The following CNTNAP3B variants were observed in gnomAD, a reference collection of about 807,000 sequenced individuals.
CNTNAP3B encodes the protein contactin-associated protein-like 3B.
CNTNAP3B carries 25 observed loss-of-function variants against 108.9 expected under a neutral mutation model. That is an observed-to-expected ratio of 0.23 (90% confidence interval 0.17 to 0.32). CNTNAP3B has a LOEUF of 0.32. Ranked by LOEUF, CNTNAP3B falls within the 10% of genes least tolerant of loss-of-function variation. The pLI is 1.00. For synonymous variants in CNTNAP3B, 103 were observed against 473.4 expected (o/e 0.22, Z 10.16); for missense variants, 252 against 1,210.4 (o/e 0.21, Z 11.75).
intron 17 of CNTNAP3B, among the ~76,000 whole-genome samples, chr9:41,921,416 C>A (rs1320165660): frequency 6.6e-6 from 1 of 151,574 alleles, no homozygotes; most frequent in African/African-American, 2.4e-5. Flanking sequence ...ACCCCATCCA[C>A]ATCCACATAC....
chr9:41,927,909 G>A (rs1418170114), intron 15 of CNTNAP3B, among the ~76,000 whole-genome samples: 2 of 121,242 alleles, frequency 1.6e-5, no homozygotes, highest in African/African-American at 6.4e-5. Context: ...TGTATGGGGG[G>A]CAAAGGAAAC....
chr9:41,956,586 A>T lies in CNTNAP3B; in HGVS notation c.1877-3200T>A, dbSNP rs1437817451. ...CTATATGTCCCAGAAGAAAAAAGAA[A>T]ATAAGATCCACTGTGTTCTGTTGTC... On this transcript the variant is annotated intron_variant, in intron 12 of 23. Coordinates refer to ENST00000377561, the MANE Select transcript of CNTNAP3B (RefSeq NM_001201380.3). Among the ~76,000 whole-genome samples, 13 of 150,714 alleles carry T rather than the reference A, an allele frequency of 8.6e-5. No individual in the cohort carries two copies. In the East Asian group the frequency reaches 2.2e-3, roughly 25 times the overall value.
intron 1 of CNTNAP3B, among the ~76,000 whole-genome samples, chr9:42,127,641 A>C (rs1828602080): frequency 7.1e-6 from 1 of 139,992 alleles, no homozygotes; most frequent in South Asian, 2.3e-4. Context: ...TTAAGTAACA[A>C]CGTTTTATTC....
At chr9:42,091,867 A>T (rs1381246443) in intron 2 of CNTNAP3B, among the ~76,000 whole-genome samples, 1 of 95,640 alleles carries the variant, frequency 1.0e-5, no homozygotes, top group East Asian at 5.3e-4. Flanking sequence ...CATCATAAAA[A>T]ATAAATAGGA....
Position 42,101,824 on chromosome 9 carries a change from C to T in CNTNAP3B, c.196+2805G>A, listed in dbSNP as rs567109848. On this transcript the variant is annotated intron_variant, in intron 2 of 23. Coordinates refer to ENST00000377561, the MANE Select transcript of CNTNAP3B (RefSeq NM_001201380.3). Reference sequence around the variant, plus strand: ...GTGGTGGCTCACACCTTTGGGAGGCCGAGGTGGGCATACCACGAGGTCAGG... The same window carrying T: ...GTGGTGGCTCACACCTTTGGGAGGCTGAGGTGGGCATACCACGAGGTCAGG... Among the ~76,000 whole-genome samples the T allele has an allele frequency of 1.2e-4, 15 of 124,670 alleles. 2 individuals are homozygous for T. The highest frequency in any genetic ancestry group is 7.8e-4 in the South Asian group (3 of 3,838). The allele number at this position is 124,670 out of a possible 152,430, so 81.8% of individuals were successfully genotyped here. A position where few individuals can be genotyped will look rare whatever the true frequency, so the allele number is the denominator to read the frequency against.
intron 1 of CNTNAP3B, among the ~76,000 whole-genome samples, chr9:42,113,986 C>T (rs1435476613): frequency 3.9e-5 from 5 of 129,002 alleles, no homozygotes; most frequent in Non-Finnish European, 3.2e-5. Context: ...TTTCTATGCA[C>T]CTCTGAGAGT....
intron 13 of CNTNAP3B, among the ~76,000 whole-genome samples, chr9:41,947,506 AC>A: frequency 6.6e-6 from 1 of 152,208 alleles, no homozygotes; most frequent in Non-Finnish European, 1.5e-5. Context: ...AAATGAGAAT[AC>A]AACATATCAA....
intron 1 of CNTNAP3B, among the ~76,000 whole-genome samples, chr9:42,109,557 A>T (rs1255418836): frequency 6.8e-6 from 1 of 146,110 alleles, no homozygotes; most frequent in African/African-American, 2.6e-5. Context: ...GGAGCTTTAC[A>T]TTCAAATGAG....
intron 8 of CNTNAP3B, among the ~76,000 whole-genome samples, chr9:41,986,599 T>G (rs1336850820): frequency 6.6e-6 from 1 of 150,984 alleles, no homozygotes. Context: ...AGTAGAAGCC[T>G]TTACAATGGG....
At chr9:41,921,728 G>A (rs1823672388) in intron 17 of CNTNAP3B, among the ~76,000 whole-genome samples, 1 of 152,184 alleles carries the variant, frequency 6.6e-6, no homozygotes, top group Non-Finnish European at 1.5e-5. Context: ...TTAAATAAAT[G>A]GAGTGCAAGA....
At chr9:42,056,475 T>C (rs1827073638) in intron 3 of CNTNAP3B, among the ~76,000 whole-genome samples, 1 of 136,742 alleles carries the variant, frequency 7.3e-6, no homozygotes, top group Non-Finnish European at 1.6e-5. Flanking sequence ...CTCAGCCTCC[T>C]GAGTAGCTGG....
chr9:42,123,857 G>A (rs1263499625), intron 1 of CNTNAP3B, among the ~76,000 whole-genome samples: 1 of 125,632 alleles, frequency 8.0e-6, no homozygotes, highest in Non-Finnish European at 1.6e-5. Flanking sequence ...GAGTTATAAG[G>A]CATAACTCAA....
chr9:42,109,208 A>T (rs910718048), intron 1 of CNTNAP3B, among the ~76,000 whole-genome samples: 2 of 139,532 alleles, frequency 1.4e-5, no homozygotes, highest in African/African-American at 5.7e-5. Flanking sequence ...CTAACATGGG[A>T]GGGAGATGTG....
chr9:41,947,608 A>G (rs1824563865), intron 13 of CNTNAP3B, among the ~76,000 whole-genome samples: 2 of 152,116 alleles, frequency 1.3e-5, no homozygotes, highest in South Asian at 4.1e-4. Flanking sequence ...AAAGCCAATA[A>G]TGTAAGTTCT....
intron 2 of CNTNAP3B, among the ~76,000 whole-genome samples, chr9:42,087,582 C>A (rs1314584479): frequency 6.9e-6 from 1 of 144,938 alleles, no homozygotes; most frequent in African/African-American, 2.6e-5. Flanking sequence ...TACAAATATG[C>A]TGAAACTCAT....
chr9:42,115,380 G>C lies in CNTNAP3B; in HGVS notation c.86-10641C>G, dbSNP rs1320677891. Among the ~76,000 whole-genome samples, 2 of 135,092 alleles carry C rather than the reference G, an allele frequency of 1.5e-5. 1 individual carries two copies. The highest frequency in any genetic ancestry group is 3.1e-5 in the Non-Finnish European group (2 of 63,664). 88.6% of individuals were successfully genotyped at this position (135,092 alleles called of 152,430 possible). A position where few individuals can be genotyped will look rare whatever the true frequency, so the allele number is the denominator to read the frequency against. On this transcript the variant is annotated intron_variant, in intron 1 of 23. Transcript: ENST00000377561. ...GTGACAGTAGTGGTTCTCCCAGCAT[G>C]GAGTTTGAGATCTGAGAATGGAAAG...
chr9:42,078,731 C>T (rs1319659365), intron 2 of CNTNAP3B, among the ~76,000 whole-genome samples: 9 of 141,488 alleles, frequency 6.4e-5, no homozygotes, highest in South Asian at 2.3e-4. Flanking sequence ...TTTCCTAGAT[C>T]GGGCAAGATT....
rs180756723 is a variant in CNTNAP3B, at chr9:42,127,902, A to G, written c.85+1108T>C. ...GCAAACTTTTCATGACAGCTTAGGA[A>G]AACTGCTGAAAGCTACCCTTGGTTA... On this transcript the variant is annotated intron_variant, in intron 1 of 23. Coordinates refer to ENST00000377561, the MANE Select transcript of CNTNAP3B (RefSeq NM_001201380.3). Among the ~76,000 whole-genome samples, 61 of 139,708 alleles carry G rather than the reference A, an allele frequency of 4.4e-4. 14 individuals carry two copies. Among genetic ancestry groups the G allele is most frequent in the African/African-American group, 1.7e-3 (60 of 35,184 alleles). The allele number at this position is 139,708 out of a possible 152,430, so 91.7% of individuals were successfully genotyped here.
rs769753898 is a variant in CNTNAP3B at position 42,098,606 on chromosome 9, C to CA, written c.196+6022dup. Among the ~76,000 whole-genome samples the CA allele has an allele frequency of 5.5e-4, 40 of 72,850 alleles. 2 individuals are homozygous for CA. Among genetic ancestry groups the CA allele is most frequent in the Admixed American group, 8.5e-4 (6 of 7,024 alleles). The allele number at this position is 72,850 out of a possible 152,430, so 47.8% of individuals were successfully genotyped here. On this transcript the variant is annotated intron_variant, in intron 2 of 23. Coordinates refer to ENST00000377561, the MANE Select transcript of CNTNAP3B (RefSeq NM_001201380.3). ...TCAAAAAAAAAAAAAAAACCAACAG[C>CA]AAAAAAAAACAGATAACTAAGACTT...
Sources: allele counts gnomAD v4.1 joint callset (sites outside exome capture counted in the v4.1 genomes callset), GRCh38; gene constraint gnomAD v4.1.1; transcripts MANE v1.5; gene names NCBI Gene and HGNC (gene_info 2026-07-23, HGNC 2026-07-21).